CDH18: variants seen among roughly 807,000 people sequenced by gnomAD.
CDH18 encodes cadherin 18.
A neutral mutation model predicts 67.9 loss-of-function variants in CDH18; 31 were observed. The observed-to-expected ratio is 0.46, with a 90% CI of 0.34 to 0.62. The LOEUF (loss-of-function observed/expected upper bound fraction) is 0.62, where lower values mean the gene tolerates loss of function less well. CDH18 is among the 20% of genes least tolerant of loss of function. CDH18 has a pLI of 0.01. For missense variants in CDH18, 890 were observed against 975.5 expected, an observed-to-expected ratio of 0.91 and a Z score of 1.17; for synonymous variants, 362 against 347.2, an observed-to-expected ratio of 1.04 and a Z score of -0.48.
At chr5:19,715,449 G>A (rs942221618) in intron 5 of CDH18, among the ~76,000 whole-genome samples, 25 of 152,156 alleles carry the variant, frequency 1.6e-4, no homozygotes, top group African/African-American at 6.0e-4. Context: ...TGTTGTTTCA[G>A]ACAGAGCATG....
In CDH18 at chr5:19,748,879, C is replaced by A. The variant is rs529250565; in HGVS notation, c.229-1643G>T. 9.9e-5 allele frequency among the ~76,000 whole-genome samples: 15 copies of A among 151,988 alleles called. No individual in the cohort carries two copies. In the East Asian group the frequency reaches 2.7e-3, roughly 27 times the overall value. On this transcript the variant is annotated intron_variant, in intron 3 of 12. Transcript: ENST00000382275. ...GAAAGCATGTAAAAAATTACCAGGA[C>A]AAAATTTTGACAGGAATCACAGAGT...
At chr5:20,535,254 G>T (rs1756646514) in intron 1 of CDH18, among the ~76,000 whole-genome samples, 1 of 152,076 alleles carries the variant, frequency 6.6e-6, no homozygotes, top group African/African-American at 2.4e-5. Context: ...TCAGCTTAGG[G>T]TTGTTCCAGC....
At chr5:19,536,225 A>G (rs1268078344) in intron 9 of CDH18, among the ~76,000 whole-genome samples, 1 of 152,114 alleles carries the variant, frequency 6.6e-6, no homozygotes, top group East Asian at 1.9e-4. Context: ...AATAAGTGTT[A>G]TACTTAATGC....
At chr5:20,241,866 T>TA (rs1288864775) in intron 2 of CDH18, among the ~76,000 whole-genome samples, 2 of 107,646 alleles carry the variant, frequency 1.9e-5, no homozygotes, top group African/African-American at 9.2e-5. Context: ...AAAAAAAAAA[T>TA]AAAATAAAAT....
intron 5 of CDH18, among the ~76,000 whole-genome samples, chr5:19,696,753 C>T (rs183812598): frequency 1.8e-3 from 272 of 152,110 alleles, no homozygotes; most frequent in African/African-American, 5.4e-3. Context: ...GATGAGAGTA[C>T]GGGAACCACC....
At chr5:20,235,147 T>A (rs1162680403) in intron 2 of CDH18, among the ~76,000 whole-genome samples, 3 of 152,056 alleles carry the variant, frequency 2.0e-5, no homozygotes, top group Admixed American at 6.6e-5. Context: ...ATTTTAGACT[T>A]AAATGTAAGA....
intron 1 of CDH18, among the ~76,000 whole-genome samples, chr5:20,496,387 T>C (rs1329191791): frequency 6.6e-6 from 1 of 152,170 alleles, no homozygotes; most frequent in Non-Finnish European, 1.5e-5. Flanking sequence ...AAAATATTCA[T>C]GATTTTTAGG....
chr5:19,922,857 T>G (rs60677663), intron 2 of CDH18, among the ~76,000 whole-genome samples: 4,619 of 152,244 alleles, frequency 0.03, 240 homozygotes, highest in East Asian at 0.22. Flanking sequence ...GCTCCTGCAT[T>G]TCAAGCTATT....
intron 1 of CDH18, among the ~76,000 whole-genome samples, chr5:20,519,581 C>T (rs1435298459): frequency 4.0e-5 from 6 of 151,624 alleles, no homozygotes; most frequent in African/African-American, 9.7e-5. Context: ...GTAACAAACC[C>T]GCACATTGTG....
chr5:19,633,195 G>A (rs769432318), intron 5 of CDH18, among the ~76,000 whole-genome samples: 4 of 152,110 alleles, frequency 2.6e-5, no homozygotes, highest in East Asian at 3.9e-4. Flanking sequence ...GCTATGGAAC[G>A]GAATTTAATA....
intron 2 of CDH18, among the ~76,000 whole-genome samples, chr5:20,075,460 G>A (rs1296088154): frequency 6.6e-6 from 1 of 152,014 alleles, no homozygotes; most frequent in Non-Finnish European, 1.5e-5. Context: ...CCGAGATTGC[G>A]CCACTGCACT....
In CDH18 at chr5:19,473,658, T is replaced by C. The variant is rs751281107; in HGVS notation, c.1941A>G (p.Ser647=). The C allele has an allele frequency of 3.1e-6, 5 of 1,613,634 alleles. No homozygotes were observed. Among genetic ancestry groups the C allele is most frequent in the Non-Finnish European group, 3.4e-6 (4 of 1,179,816 alleles). The change falls in exon 13 of 13, where the codon TCA becomes TCG. Residue 647 remains serine (S), a synonymous_variant. Transcript: ENST00000382275. ...CCACGTTCTCCCGTACATCCTCTTC[T>C]GAAATGATCAAGGGCTCTTTTTTGC... The part of the protein sequence containing the change: ...RRSKKEPLII[S]EEDVRENVVT...
chr5:20,078,615 T>A (rs1434176037), intron 2 of CDH18, among the ~76,000 whole-genome samples: 1 of 152,026 alleles, frequency 6.6e-6, no homozygotes, highest in Non-Finnish European at 1.5e-5. Context: ...TTTATTTATT[T>A]ATTGAGACAG....
chr5:19,534,359 A>G (rs536000451), intron 9 of CDH18, among the ~76,000 whole-genome samples: 1 of 152,290 alleles, frequency 6.6e-6, no homozygotes, highest in Admixed American at 6.5e-5. Flanking sequence ...TTATCTCCCC[A>G]GGTTGTGAAT....
rs186563055 is a variant in CDH18 at position 20,356,185 on chromosome 5, C to T, written c.-579-100680G>A. Among the ~76,000 whole-genome samples, 198 of 152,240 alleles carry T rather than the reference C, an allele frequency of 1.3e-3. 1 individual carries two copies. Among genetic ancestry groups the T allele is most frequent in the African/African-American group, 4.5e-3 (186 of 41,560 alleles). On this transcript the variant is annotated intron_variant, in intron 1 of 14. Transcript: ENST00000507958. ...ATCACCTGAGGTCAGGCATTTGAGA[C>T]CAGCTTGGCTAATGTGGTAAAACAC... is the stretch of plus-strand genomic sequence containing the variant.
intron 5 of CDH18, among the ~76,000 whole-genome samples, chr5:19,670,453 C>T (rs888223209): frequency 1.3e-5 from 2 of 151,968 alleles, no homozygotes; most frequent in African/African-American, 4.8e-5. Context: ...TGCACTGAGG[C>T]AAAGATTAGG....
chr5:20,135,750 C>T (rs1042027589), intron 2 of CDH18, among the ~76,000 whole-genome samples: 14 of 152,134 alleles, frequency 9.2e-5, no homozygotes, highest in East Asian at 1.9e-4. Flanking sequence ...TTTCCCTCTA[C>T]ACACTGCTTT....
At chr5:19,946,704 G>A (rs962750164) in intron 2 of CDH18, among the ~76,000 whole-genome samples, 26 of 152,096 alleles carry the variant, frequency 1.7e-4, no homozygotes, top group Admixed American at 1.6e-3. Flanking sequence ...TCTCTTTCAG[G>A]AAATAGAAGG....
intron 1 of CDH18, among the ~76,000 whole-genome samples, chr5:20,388,361 G>A (rs1178116969): frequency 1.3e-5 from 2 of 152,168 alleles, no homozygotes; most frequent in South Asian, 2.1e-4. Flanking sequence ...GCATAGAGGT[G>A]TTTATAGTAT....
Sources: allele counts gnomAD v4.1 joint callset (sites outside exome capture counted in the v4.1 genomes callset), GRCh38; gene constraint gnomAD v4.1.1; transcripts MANE v1.5; gene names NCBI Gene and HGNC (gene_info 2026-07-23, HGNC 2026-07-21).